Variants in DNHD1 observed in about 807,000 individuals in gnomAD.
DNHD1 encodes the protein dynein heavy chain domain-containing protein 1.
In DNHD1, 383 loss-of-function variants were observed where a neutral mutation model predicts 458.1. That is an observed-to-expected ratio of 0.84 (90% CI 0.77 to 0.91). The LOEUF (loss-of-function observed/expected upper bound fraction) is 0.91, where lower values mean the gene tolerates loss of function less well. Ranked by LOEUF, DNHD1 falls within the 40% of genes least tolerant of loss-of-function variation. DNHD1 has a pLI of 0.00. For synonymous variants in DNHD1, 2,203 were observed against 2,376.9 expected, an observed-to-expected ratio of 0.93 and a Z score of 2.13; for missense variants, 5,336 against 5,866.1, an observed-to-expected ratio of 0.91 and a Z score of 2.95.
intron 28 of DNHD1, among the ~76,000 whole-genome samples, chr11:6,560,693 G>A (rs369907453): frequency 3.3e-5 from 5 of 152,166 alleles, no homozygotes; most frequent in Admixed American, 2.6e-4. Flanking sequence ...TCCCTTGGTC[G>A]TTCATTCAAT....
chr11:6,557,379 A>G lies in DNHD1; in HGVS notation c.8084A>G (p.Glu2695Gly), dbSNP rs1056132785. 27 of 1,551,244 alleles carry G rather than the reference A, an allele frequency of 1.7e-5. No individual in the cohort carries two copies. In the African/African-American group the frequency reaches 2.5e-4, roughly 14 times the overall value. The change falls in exon 25 of 43, where the codon GAG becomes GGG. Residue 2695 changes from glutamate to glycine, a missense_variant. Around this residue, in one of 4 missense-constraint regions of DNHD1, gnomAD observed 3,932 missense variants for 4,365.6 expected, o/e 0.90. Transcript: ENST00000254579. ...GPQHLGKDHQ[E>G]SEEEEEEERV... is the part of the protein sequence containing the mutation. ...CAGCACCTGGGCAAGGACCATCAGG[A>G]GAGTGAGGAGGAGGAGGAGGAGGAG...
At chr11:6,526,328 C>T (rs1227472835) in intron 10 of DNHD1, among the ~76,000 whole-genome samples, 2 of 151,760 alleles carry the variant, frequency 1.3e-5, no homozygotes, top group Non-Finnish European at 2.9e-5. Flanking sequence ...GATATGTGTC[C>T]TCTCATGACT....
rs761279028 is a variant in DNHD1 at position 6,520,030 on chromosome 11, T to C, written c.1713T>C (p.His571=). Residue 571 remains histidine, a synonymous_variant, in exon 9 of 43, where the codon CAT becomes CAC. Coordinates refer to ENST00000254579, the MANE Select transcript of DNHD1 (RefSeq NM_144666.3). ...TTGATGATCATGGTCAACTGTCTCATGTGCCCTGTGTTGAAAATATGATCC... is the reference window on the plus strand; with the variant it reads ...TTGATGATCATGGTCAACTGTCTCACGTGCCCTGTGTTGAAAATATGATCC... ...LVFDDHGQLS[H]VPCVENMIQT... The C allele has an allele frequency of 1.2e-6, 2 of 1,614,230 alleles. No homozygotes were observed. The highest frequency in any genetic ancestry group is 8.5e-7 in the Non-Finnish European group (1 of 1,180,042).
At chr11:6,516,800 G>A (rs1031665654) in intron 7 of DNHD1, among the ~76,000 whole-genome samples, 4 of 151,938 alleles carry the variant, frequency 2.6e-5, no homozygotes, top group South Asian at 2.1e-4. Context: ...TAACCATATC[G>A]TTCTCCCAAG....
chr11:6,528,137 C>T (rs939517649), intron 10 of DNHD1, among the ~76,000 whole-genome samples: 3 of 152,202 alleles, frequency 2.0e-5, no homozygotes, highest in African/African-American at 7.2e-5. Context: ...GCAGTGTGTT[C>T]TGTAGTTGAT....
At chr11:6,551,856 G>GATCC (rs1554889022) in intron 24 of DNHD1, among the ~76,000 whole-genome samples, 1 of 134,250 alleles carries the variant, frequency 7.4e-6, no homozygotes, top group African/African-American at 3.1e-5. Context: ...CAGGAGAATT[G>GATCC]CTTGAACCAG....
Position 6,571,101 on chromosome 11 carries a change from C to T in DNHD1, c.13589C>T (p.Thr4530Ile), listed in dbSNP as rs1274404352. The T allele has an allele frequency of 6.3e-7, 1 of 1,597,092 alleles. No individual in the cohort carries two copies. The highest frequency in any genetic ancestry group is 8.5e-7 in the Non-Finnish European group (1 of 1,173,004). The change falls in exon 42 of 43, where the codon ACT (threonine) becomes ATT (isoleucine). Residue 4530 changes from threonine to isoleucine, a missense_variant. Thr to Ile is a moderately conservative substitution (Grantham distance 89). This residue lies in a region of DNHD1 where 698 missense variants were observed against 664.9 expected (regional missense o/e 1.05). Transcript: ENST00000254579. The surrounding 1 kb of genome is among the most constrained non-coding windows in gnomAD (Gnocchi z 5.0). ...RCAAVAHALW[T>I]GRLPLPWRPH... ...GCTGCGGTGGCCCACGCTCTCTGGA[C>T]TGGCCGCCTACCCTTGCCTTGGCGA...
chr11:6,530,809 C>T (rs537196592), intron 12 of DNHD1, among the ~76,000 whole-genome samples: 2 of 146,434 alleles, frequency 1.4e-5, no homozygotes, highest in African/African-American at 2.5e-5. Flanking sequence ...TCTCTCTGGC[C>T]GTGTTTTGGT....
At chr11:6,555,302 G>C (rs958542890) in intron 24 of DNHD1, among the ~76,000 whole-genome samples, 1 of 151,892 alleles carries the variant, frequency 6.6e-6, no homozygotes, top group African/African-American at 2.4e-5. Flanking sequence ...CTGATCTCCC[G>C]GCTCATTATG....
Position 6,547,223 on chromosome 11 carries a change from T to G in DNHD1, c.6284T>G (p.Leu2095Arg). The change falls in exon 21 of 43, where the codon CTG (leucine) becomes CGG (arginine). Residue 2095 changes from leucine to arginine, a missense_variant. Coordinates refer to ENST00000254579, the MANE Select transcript of DNHD1 (RefSeq NM_144666.3). ...GATGGAGCCTCCAATGGTGCTTGGC[T>G]GGACTCCATCACTTGCCTCCTGAGT... ...ICDGASNGAW[L>R]DSITCLLSEL... is the part of the protein sequence containing the mutation. 1.9e-6 allele frequency: 3 copies of G among 1,551,828 alleles called. No individual in the cohort carries two copies. The highest frequency in any genetic ancestry group is 2.6e-6 in the Non-Finnish European group (3 of 1,147,016).
intron 3 of DNHD1, among the ~76,000 whole-genome samples, chr11:6,500,280 T>C (rs1425685367): frequency 1.3e-5 from 2 of 152,254 alleles, no homozygotes; most frequent in African/African-American, 4.8e-5. Flanking sequence ...TTTTTAACTT[T>C]AGTTTTGGAA....
Position 6,529,117 on chromosome 11 carries a change from G to A in DNHD1, c.2343G>A (p.Glu781=). 1 of 1,550,130 alleles carries A rather than the reference G, an allele frequency of 6.5e-7. No individual in the cohort carries two copies. Among genetic ancestry groups the A allele is most frequent in the Non-Finnish European group, 8.7e-7 (1 of 1,146,968 alleles). The change falls in exon 12 of 43, where the codon GAG becomes GAA. Residue 781 remains glutamate (E), a synonymous_variant. Transcript: ENST00000254579. ...TTAGCTGCCATGATGTACAGGCAGAGATGGGTGAGTACTGCTTCTCTTCCC... is the reference window on the plus strand; with the variant it reads ...TTAGCTGCCATGATGTACAGGCAGAAATGGGTGAGTACTGCTTCTCTTCCC... ...LLLSCHDVQA[E]MESKLNSIRK... is the part of the protein sequence containing the mutation.
rs1383904637 is a variant in DNHD1 at position 6,564,494 on chromosome 11, G to A, written c.10446G>A (p.Val3482=). The A allele has an allele frequency of 1.9e-6, 3 of 1,551,560 alleles. No individual in the cohort carries two copies. Among genetic ancestry groups the A allele is most frequent in the African/African-American group, 1.4e-5 (1 of 73,030 alleles). Residue 3482 remains valine (V), a synonymous_variant, in exon 32 of 43, where the codon GTG becomes GTA. Transcript: ENST00000254579. ...AGGAGGCTCTGGGCCCAGATGATGT[G>A]GCACAGGCACTGAAGCGGAAGCAAA... The part of the protein sequence containing the change: ...GFQEALGPDD[V]AQALKRKQKS...
chr11:6,561,499 C>T (rs1366415479), intron 28 of DNHD1, among the ~76,000 whole-genome samples: 1 of 152,056 alleles, frequency 6.6e-6, no homozygotes, highest in Non-Finnish European at 1.5e-5. Flanking sequence ...CTATCCTTAC[C>T]TTCATGGTGC....
chr11:6,547,726 T>C (rs1853254352), intron 21 of DNHD1, 60 bp downstream of exon 21: 5 of 1,482,922 alleles, frequency 3.4e-6, no homozygotes, highest in African/African-American at 2.8e-5. Flanking sequence ...CTGGGGTATA[T>C]AGCTGGAGCC....
At chr11:6,566,452 C>G in intron 34 of DNHD1, 59 bp downstream of exon 34, 1 of 1,547,648 alleles carries the variant, frequency 6.5e-7, no homozygotes, top group Non-Finnish European at 8.7e-7. Context: ...GCCCTCAGCA[C>G]CAGCCCTAAG....
chr11:6,507,196 GA>G (rs1291771046), intron 4 of DNHD1, among the ~76,000 whole-genome samples: 3 of 152,280 alleles, frequency 2.0e-5, no homozygotes, highest in African/African-American at 7.2e-5. Flanking sequence ...TGAACAGAGG[GA>G]CAACTTGATA....
At chr11:6,518,957 C>A (rs553750983) in intron 7 of DNHD1, among the ~76,000 whole-genome samples, 30 of 152,136 alleles carry the variant, frequency 2.0e-4, no homozygotes, top group Non-Finnish European at 3.8e-4. Flanking sequence ...ACAAAGGATC[C>A]ATCTGGCCAA....
At position 6,571,365 on chromosome 11, in the gene DNHD1, T is replaced by C; in HGVS notation, c.13853T>C (p.Val4618Ala). 1.2e-6 allele frequency: 2 copies of C among 1,612,266 alleles called. No homozygotes were observed. Among genetic ancestry groups the C allele is most frequent in the Non-Finnish European group, 1.7e-6 (2 of 1,179,286 alleles). The change falls in exon 42 of 43, where the codon GTC becomes GCC. Residue 4618 changes from valine (V) to alanine (A), a missense_variant. Val to Ala is a moderately conservative substitution (Grantham distance 64). Around this residue, in one of 4 missense-constraint regions of DNHD1, gnomAD observed 698 missense variants for 664.9 expected, o/e 1.05. Coordinates refer to ENST00000254579, the MANE Select transcript of DNHD1 (RefSeq NM_144666.3). This position sits in a 1 kb window ranked among gnomAD's most constrained non-coding sequence, Gnocchi z 5.0. ...SSNFPGSRGS[V>A]SSQLQYKRLE... ...AATTTCCCTGGTAGCCGAGGCTCGG[T>C]CTCCAGTCAGCTCCAGTATAAACGT...
Sources: gnomAD v4.1 joint callset for allele counts (sites outside exome capture counted in the v4.1 genomes callset) on GRCh38, gnomAD v4.1.1 for gene constraint, gnomAD v4.1.1 regional missense constraint, Gnocchi (gnomAD v3.1) non-coding constraint, MANE v1.5 for transcripts, NCBI Gene and HGNC (gene_info 2026-07-23, HGNC 2026-07-21) for gene names.